SCMH1: variants seen among roughly 807,000 people sequenced by gnomAD.
The protein encoded by SCMH1 is polycomb protein SCMH1.
Under a neutral mutation model 70.8 loss-of-function variants are expected in SCMH1, and 37 were observed. The ratio of observed to expected loss-of-function variants is 0.52; its 90% CI spans 0.40 to 0.69. The LOEUF (loss-of-function observed/expected upper bound fraction) is 0.69, where lower values mean the gene tolerates loss of function less well. Among genes scored for constraint, SCMH1 ranks in the 30% least tolerant of loss-of-function variants. The pLI, the probability that SCMH1 is intolerant of heterozygous loss-of-function variation, is 0.00. For missense variants in SCMH1, 607 were observed against 827.3 expected (o/e 0.73, Z 3.27); for synonymous variants, 292 against 307.4 (o/e 0.95, Z 0.52).
chr1:41,106,951 G>C (rs1668094395), intron 8 of SCMH1, among the ~76,000 whole-genome samples: 1 of 151,742 alleles, frequency 6.6e-6, no homozygotes, highest in Non-Finnish European at 1.5e-5. Context: ...GCCTCCCAAA[G>C]TGCTGGGATT....
intron 1 of SCMH1, among the ~76,000 whole-genome samples, chr1:41,209,121 A>T (rs1429833011): frequency 6.6e-6 from 1 of 152,238 alleles, no homozygotes; most frequent in African/African-American, 2.4e-5. Flanking sequence ...TCTAGAAGAA[A>T]TGGATAAATT....
chr1:41,135,374 T>C (rs1643116246), intron 6 of SCMH1, among the ~76,000 whole-genome samples: 1 of 152,068 alleles, frequency 6.6e-6, no homozygotes, highest in Non-Finnish European at 1.5e-5. Flanking sequence ...CAGTGGGAGG[T>C]AAGTGAATCA....
At chr1:41,155,756 C>A (rs535059982) in intron 4 of SCMH1, among the ~76,000 whole-genome samples, 3 of 152,014 alleles carry the variant, frequency 2.0e-5, no homozygotes, top group South Asian at 4.2e-4. Context: ...CTGAGGCGGG[C>A]AGATCACCTG....
chr1:41,237,460 C>A (rs902619466), intron 1 of SCMH1, among the ~76,000 whole-genome samples: 2 of 152,138 alleles, frequency 1.3e-5, no homozygotes, highest in African/African-American at 2.4e-5. Context: ...GATGCCTATA[C>A]ATTTTACAGA....
At chr1:41,114,979 C>A (rs1403153572) in intron 7 of SCMH1, among the ~76,000 whole-genome samples, 1 of 152,068 alleles carries the variant, frequency 6.6e-6, no homozygotes, top group African/African-American at 2.4e-5. Context: ...CGTGCCTGGC[C>A]AAGATTTCTT....
intron 4 of SCMH1, among the ~76,000 whole-genome samples, chr1:41,154,454 C>A (rs879398941): frequency 1.3e-5 from 2 of 152,134 alleles, no homozygotes; most frequent in Non-Finnish European, 2.9e-5. Context: ...CAATATCTGT[C>A]TTACAAGATT....
At chr1:41,187,064 C>T (rs1435078621) in intron 1 of SCMH1, among the ~76,000 whole-genome samples, 1 of 152,118 alleles carries the variant, frequency 6.6e-6, no homozygotes, top group Non-Finnish European at 1.5e-5. Flanking sequence ...AGAACAAAAA[C>T]AAAGTAAAAA....
intron 10 of SCMH1, among the ~76,000 whole-genome samples, chr1:41,049,580 G>C (rs1233920094): frequency 6.6e-6 from 1 of 151,028 alleles, no homozygotes; most frequent in African/African-American, 2.4e-5. Flanking sequence ...GATCAGCCTG[G>C]TGAAGAGGTG....
chr1:41,175,858 C>T (rs1262360656), intron 2 of SCMH1, among the ~76,000 whole-genome samples: 7 of 152,098 alleles, frequency 4.6e-5, no homozygotes, highest in Non-Finnish European at 1.0e-4. Flanking sequence ...AGATTAAAAA[C>T]TAGATTAGGC....
intron 1 of SCMH1, among the ~76,000 whole-genome samples, chr1:41,234,188 A>C (rs560151438): frequency 1.3e-5 from 2 of 152,250 alleles, no homozygotes; most frequent in South Asian, 4.1e-4. Context: ...TAATTTCAGC[A>C]CTTTGGAAGG....
At chr1:41,212,503 T>C (rs1190694152) in intron 1 of SCMH1, among the ~76,000 whole-genome samples, 2 of 151,864 alleles carry the variant, frequency 1.3e-5, no homozygotes, top group Admixed American at 6.6e-5. Flanking sequence ...TACCAGAAAA[T>C]AGGAAAGAGT....
chr1:41,169,435 G>T (rs74069068), intron 2 of SCMH1, among the ~76,000 whole-genome samples: 1,955 of 152,138 alleles, frequency 0.013, 38 homozygotes, highest in African/African-American at 0.045. Flanking sequence ...GCTCAGAGGA[G>T]GTATAACCTC....
rs1669636531 is a variant in SCMH1, at chr1:41,113,150, C to G, written c.745+133G>C. ...GCTCCCTGGTAGACCTGGGTTTTTACCTAAGCTGCTGGCCCTTGCTCCTCC... is the reference window on the plus strand; with the variant it reads ...GCTCCCTGGTAGACCTGGGTTTTTAGCTAAGCTGCTGGCCCTTGCTCCTCC... On this transcript the variant is annotated intron_variant, in intron 8 of 14. Coordinates refer to ENST00000337495, the Ensembl canonical transcript of SCMH1. The surrounding 1 kb of genome is among the most constrained non-coding windows in gnomAD (Gnocchi z 4.3). 8.5e-7 allele frequency: 1 copy of G among 1,177,754 alleles called. No individual in the cohort carries two copies. The highest frequency in any genetic ancestry group is 1.2e-6 in the Non-Finnish European group (1 of 846,962). The allele number at this position is 1,177,754 out of a possible 1,614,324, so 73.0% of individuals were successfully genotyped here. A position where few individuals can be genotyped will look rare whatever the true frequency, so the allele number is the denominator to read the frequency against.
chr1:41,053,938 G>A (rs1447164737), intron 10 of SCMH1, among the ~76,000 whole-genome samples: 1 of 151,790 alleles, frequency 6.6e-6, no homozygotes, highest in South Asian at 2.1e-4. Flanking sequence ...TCCGCCTCCC[G>A]GGTTCACGCC....
chr1:41,236,075 G>A (rs8179465), intron 1 of SCMH1, among the ~76,000 whole-genome samples: 16,456 of 152,158 alleles, frequency 0.11, 1,264 homozygotes, highest in East Asian at 0.27. Context: ...TGCATACATT[G>A]GAGAGTTTCC....
intron 10 of SCMH1, among the ~76,000 whole-genome samples, chr1:41,066,345 C>T (rs768487127): frequency 1.6e-4 from 24 of 152,298 alleles, no homozygotes; most frequent in Admixed American, 3.3e-4. Context: ...TGCTAGAAGT[C>T]TCTTGCTTAC....
chr1:41,059,805 C>T (rs558924754), intron 10 of SCMH1, among the ~76,000 whole-genome samples: 11 of 152,236 alleles, frequency 7.2e-5, no homozygotes, highest in East Asian at 1.9e-4. Flanking sequence ...TGCCCATCTA[C>T]GTGTTCCCCC....
chr1:41,104,031 C>T (rs1217382046), intron 8 of SCMH1, among the ~76,000 whole-genome samples: 1 of 152,100 alleles, frequency 6.6e-6, no homozygotes, highest in East Asian at 1.9e-4. Context: ...TTTTCCTGAC[C>T]AAAATAGAGC....
chr1:41,128,570 T>G (rs1171086187), intron 6 of SCMH1, among the ~76,000 whole-genome samples: 2 of 152,182 alleles, frequency 1.3e-5, no homozygotes, highest in Non-Finnish European at 2.9e-5. Context: ...TTTCTCTGGC[T>G]GCTCTTAAGA....
Sources: allele counts gnomAD v4.1 joint callset (sites outside exome capture counted in the v4.1 genomes callset), GRCh38; gene constraint gnomAD v4.1.1; non-coding constraint Gnocchi (gnomAD v3.1); transcripts MANE v1.5; gene names NCBI Gene and HGNC (gene_info 2026-07-23, HGNC 2026-07-21).